DDX19B: variants seen among roughly 807,000 people sequenced by gnomAD.
DDX19B encodes ATP-dependent RNA helicase DDX19B.
A neutral mutation model predicts 58.1 loss-of-function variants in DDX19B; 27 were observed. The observed-to-expected ratio is 0.46, with a 90% CI of 0.34 to 0.64. The LOEUF is 0.64. Ranked by LOEUF, DDX19B falls within the 30% of genes least tolerant of loss-of-function variation. DDX19B has a pLI of 0.01. For missense variants in DDX19B, 399 were observed against 596.5 expected, an observed-to-expected ratio of 0.67 and a Z score of 3.45; for synonymous variants, 187 against 214.4, an observed-to-expected ratio of 0.87 and a Z score of 1.12.
upstream of DDX19B, among the ~76,000 whole-genome samples, chr16:70,297,149 C>T (rs567290885): frequency 2.0e-5 from 3 of 152,060 alleles, no homozygotes; most frequent in Admixed American, 6.6e-5. Flanking sequence ...CTCCTGACCT[C>T]GTGATCCACC....
intron 1 of DDX19B, among the ~76,000 whole-genome samples, chr16:70,301,358 AAATGT>A (rs1961474593): frequency 6.6e-6 from 1 of 152,174 alleles, no homozygotes; most frequent in South Asian, 2.1e-4. Context: ...GCCAAATTTT[AAATGT>A]ATTGTTCCAT....
rs1202167160 is a variant in DDX19B, at chr16:70,317,589, G to A, written c.389+1G>A. ...CATTGCCACTGATGCTTGCTGAGCCGTATGTGTCCTATTACAACTCCATTT... is the reference window on the plus strand; with the variant it reads ...CATTGCCACTGATGCTTGCTGAGCCATATGTGTCCTATTACAACTCCATTT... On this transcript the variant is annotated splice_donor_variant, in intron 5 of 11. Coordinates refer to ENST00000288071, the MANE Select transcript of DDX19B (RefSeq NM_007242.7). LOFTEE classifies it high-confidence loss of function. The A allele has an allele frequency of 2.5e-6, 4 of 1,604,616 alleles. No individual in the cohort carries two copies. Among genetic ancestry groups the A allele is most frequent in the South Asian group, 2.2e-5 (2 of 89,760 alleles).
intron 1 of DDX19B, among the ~76,000 whole-genome samples, chr16:70,301,343 T>C (rs1961473942): frequency 6.6e-6 from 1 of 152,212 alleles, no homozygotes; most frequent in Non-Finnish European, 1.5e-5. Context: ...GAAAATTATT[T>C]TCCTGCCAAA....
At chr16:70,291,111 A>T (rs917763861), upstream of DDX19B, among the ~76,000 whole-genome samples, 1 of 152,260 alleles carries the variant, frequency 6.6e-6, no homozygotes, top group Non-Finnish European at 1.5e-5. Context: ...GCTCACAAAT[A>T]GTAATCATCA....
chr16:70,296,156 A>ACC (rs1961212473), upstream of DDX19B, among the ~76,000 whole-genome samples: 1 of 151,740 alleles, frequency 6.6e-6, no homozygotes, highest in South Asian at 2.1e-4. Flanking sequence ...GGCACCCACC[A>ACC]CCATGCTCAG....
intron 5 of DDX19B, among the ~76,000 whole-genome samples, chr16:70,323,568 C>T (rs1210125440): frequency 1.3e-5 from 2 of 151,828 alleles, no homozygotes; most frequent in African/African-American, 4.8e-5. Flanking sequence ...GGACTACAGG[C>T]GCCCACCACC....
chr16:70,291,244 G>A (rs1961052924), upstream of DDX19B, among the ~76,000 whole-genome samples: 1 of 152,156 alleles, frequency 6.6e-6, no homozygotes, highest in African/African-American at 2.4e-5. Flanking sequence ...GGCAGAGAGA[G>A]AGGTTAAGTA....
chr16:70,296,073 C>T (rs1047644329), upstream of DDX19B, among the ~76,000 whole-genome samples: 17 of 149,834 alleles, frequency 1.1e-4, no homozygotes, highest in Non-Finnish European at 3.0e-5. Context: ...GGCATGATCT[C>T]AGCTCACTGC....
intron 7 of DDX19B, among the ~76,000 whole-genome samples, chr16:70,327,026 G>T (rs1328754886): frequency 6.6e-6 from 1 of 151,342 alleles, no homozygotes; most frequent in African/African-American, 2.4e-5. Flanking sequence ...AGTAGAGACG[G>T]GGTTTCACTG....
upstream of DDX19B, chr16:70,294,830 G>A: frequency 3.4e-6 from 5 of 1,491,146 alleles, no homozygotes; most frequent in Non-Finnish European, 4.4e-6. Flanking sequence ...GAGTGTAACT[G>A]CCATGCTCAG....
At chr16:70,324,505 A>G (rs113350993) in intron 5 of DDX19B, 80 bp from the exon 6 acceptor site, 94 of 1,289,226 alleles carry the variant, frequency 7.3e-5, no homozygotes, top group Middle Eastern at 5.5e-4. Context: ...CTATAAATGA[A>G]TTTTTAATAC....
intron 5 of DDX19B, among the ~76,000 whole-genome samples, chr16:70,319,066 T>C (rs999147853): frequency 6.6e-6 from 1 of 152,164 alleles, no homozygotes; most frequent in Non-Finnish European, 1.5e-5. Context: ...ATCACGCCAC[T>C]GCACTCCAGC....
intron 1 of DDX19B, among the ~76,000 whole-genome samples, chr16:70,303,186 A>G (rs1326969340): frequency 6.6e-6 from 1 of 152,072 alleles, no homozygotes. Flanking sequence ...CACCCAGACT[A>G]GAGTCAGGCT....
rs368513126 is a variant in DDX19B, at chr16:70,321,850, A to G, written c.390-2735A>G. 5.5e-4 allele frequency among the ~76,000 whole-genome samples: 84 copies of G among 151,876 alleles called. 1 individual carries two copies. In the South Asian group the frequency reaches 0.017, roughly 31 times the overall value. On this transcript the variant is annotated intron_variant, in intron 5 of 11. Coordinates refer to ENST00000288071, the MANE Select transcript of DDX19B (RefSeq NM_007242.7). ...GGAGTTCGAGACCAGGCTGGCCAACATGGTGAAACCCCATCTCTACTAAAA... is the reference window on the plus strand; with the variant it reads ...GGAGTTCGAGACCAGGCTGGCCAACGTGGTGAAACCCCATCTCTACTAAAA...
intron 5 of DDX19B, among the ~76,000 whole-genome samples, chr16:70,323,498 A>T (rs1326381590): frequency 6.7e-6 from 1 of 148,420 alleles, no homozygotes; most frequent in Admixed American, 6.9e-5. Context: ...ATCTCGGCTC[A>T]CTGCAACCTC....
At chr16:70,303,625 C>T (rs1048675660) in intron 1 of DDX19B, among the ~76,000 whole-genome samples, 10 of 152,186 alleles carry the variant, frequency 6.6e-5, no homozygotes, top group Admixed American at 2.0e-4. Flanking sequence ...GGTGCCATCT[C>T]GGCTCACTGC....
chr16:70,332,871 C>T (rs1422694873), intron 10 of DDX19B, 97 bp from the exon 11 acceptor site: 5 of 1,608,994 alleles, frequency 3.1e-6, no homozygotes, highest in Non-Finnish European at 1.7e-6. Flanking sequence ...TGCCGTGTTC[C>T]CTTAATGCTG....
chr16:70,325,721 C>G (rs770340872), intron 7 of DDX19B, 33 bp downstream of exon 7: 2 of 1,462,714 alleles, frequency 1.4e-6, no homozygotes, highest in African/African-American at 1.4e-5. Context: ...AAATCATCAA[C>G]CTAATTCTTT....
intron 7 of DDX19B, among the ~76,000 whole-genome samples, chr16:70,326,345 C>T (rs1440921060): frequency 1.3e-5 from 2 of 151,932 alleles, no homozygotes; most frequent in East Asian, 1.9e-4. Flanking sequence ...GGCGTGGTGG[C>T]GGGCACCTGT....
Sources: gnomAD v4.1 joint callset for allele counts (sites outside exome capture counted in the v4.1 genomes callset) on GRCh38, gnomAD v4.1.1 for gene constraint, MANE v1.5 for transcripts, NCBI Gene and HGNC (gene_info 2026-07-23, HGNC 2026-07-21) for gene names.